Variants in COL28A1 observed in about 807,000 individuals in gnomAD.
COL28A1 encodes the protein collagen type XXVIII alpha 1 chain.
In COL28A1, 161 loss-of-function variants were observed where a neutral mutation model predicts 150.2. The observed-to-expected ratio is 1.07, with a 90% CI of 0.94 to 1.22. The LOEUF is 1.22. Ranked by LOEUF, COL28A1 falls within the 50% of genes most tolerant of loss-of-function variation. The pLI is 0.00. For synonymous variants in COL28A1, 552 were observed against 469.7 expected, an observed-to-expected ratio of 1.18 and a Z score of -2.26; for missense variants, 1,617 against 1,388.3, an observed-to-expected ratio of 1.16 and a Z score of -2.62.
chr7:7,529,061 G>A (rs1266197534), intron 3 of COL28A1, among the ~76,000 whole-genome samples: 1 of 151,966 alleles, frequency 6.6e-6, no homozygotes, highest in African/African-American at 2.4e-5. Flanking sequence ...CAACACTTTG[G>A]GAGGCCGAGG....
At chr7:7,351,710 C>T (rs572725445), downstream of COL28A1, among the ~76,000 whole-genome samples, 1 of 152,020 alleles carries the variant, frequency 6.6e-6, no homozygotes, top group South Asian at 2.1e-4. Flanking sequence ...GACATTAAAT[C>T]AGTCCAATAT....
rs1018899344 is a variant in COL28A1 at position 7,380,694 on chromosome 7, C to A, written c.2288G>T (p.Gly763Val). 6.2e-7 allele frequency: 1 copy of A among 1,613,672 alleles called. No individual in the cohort carries two copies. The highest frequency in any genetic ancestry group is 8.5e-7 in the Non-Finnish European group (1 of 1,179,646). Residue 763 changes from glycine (G) to valine (V), a missense_variant and splice_region_variant, in exon 30 of 35, where the codon GGT (glycine) becomes GTT (valine). Transcript: ENST00000399429. ...IGEPGSPGKQ[G>V]LQGPKGDLGL... ...TAGGTCTCCTTTGGGTCCTTGTAAA[C>A]CCTACTTAGTGGAAGAAGAGTAAAA...
chr7:7,424,245 A>G (rs1562606262), intron 25 of COL28A1, among the ~76,000 whole-genome samples: 1 of 152,174 alleles, frequency 6.6e-6, no homozygotes, highest in Non-Finnish European at 1.5e-5. Context: ...TAGGCATTTA[A>G]TGATCTGAGA....
At chr7:7,453,419 C>T (rs748626387) in intron 17 of COL28A1, 21 bp downstream of exon 17, 44 of 1,017,050 alleles carry the variant, frequency 4.3e-5, no homozygotes, top group South Asian at 2.4e-4. Context: ...TATTAAACTC[C>T]GCTCTCATTT....
chr7:7,451,231 CTT>C (rs111414835), intron 18 of COL28A1, among the ~76,000 whole-genome samples: 2 of 144,584 alleles, frequency 1.4e-5, no homozygotes, highest in Non-Finnish European at 3.1e-5. Flanking sequence ...TGAAATACTT[CTT>C]TTTTTTTTTT....
chr7:7,436,449 T>G lies in COL28A1; in HGVS notation c.1806A>C (p.Gly602=). 2 of 1,361,388 alleles carry G rather than the reference T, an allele frequency of 1.5e-6. No individual in the cohort carries two copies. The highest frequency in any genetic ancestry group is 2.1e-6 in the Non-Finnish European group (2 of 949,396). 84.3% of individuals were successfully genotyped at this position (1,361,388 alleles called of 1,614,324 possible). A position where few individuals can be genotyped will look rare whatever the true frequency, so the allele number is the denominator to read the frequency against. Residue 602 remains glycine, a synonymous_variant, in exon 23 of 35, where the codon GGA becomes GGC. Transcript: ENST00000399429. ...CTCCCTTAAATCCAGGTATCCCAGG[T>G]CCTCCTCTATCTCCCTGTACATTTC... ...GPPGPKGDRG[G]PGIPGFKGEP... is the part of the protein sequence containing the mutation.
At position 7,531,717 on chromosome 7, in the gene COL28A1, A is replaced by G; in HGVS notation, c.312T>C (p.Ile104=). The part of the protein sequence containing the change: ...AALQFSSSVQ[I]DPPFSSWKDL... ...CCTTCCAGGAAGAAAAAGGTGGATC[A>G]ATTTGGACAGAGCTGCTAAACTGAA... The change falls in exon 3 of 35, where the codon ATT becomes ATC. Residue 104 remains isoleucine, a synonymous_variant. Transcript: ENST00000399429. 1.2e-6 allele frequency: 2 copies of G among 1,605,404 alleles called. No homozygotes were observed. The highest frequency in any genetic ancestry group is 1.7e-6 in the Non-Finnish European group (2 of 1,172,006).
At chr7:7,397,011 C>T (rs1469638746) in intron 27 of COL28A1, among the ~76,000 whole-genome samples, 2 of 152,122 alleles carry the variant, frequency 1.3e-5, no homozygotes, top group Non-Finnish European at 2.9e-5. Flanking sequence ...CTGTGCTGGA[C>T]CAAGATGCTG....
chr7:7,356,315 A>C (rs753100038), downstream of COL28A1: 3 of 152,226 alleles, frequency 2.0e-5, no homozygotes, highest in East Asian at 1.9e-4. Context: ...GCACATTGAC[A>C]TGGTAAATAC....
the COL28A1 span, among the ~76,000 whole-genome samples, chr7:7,345,612 G>A: frequency 2.6e-5 from 4 of 151,822 alleles, no homozygotes; most frequent in Non-Finnish European, 5.9e-5. Flanking sequence ...CAGTTTCACT[G>A]GTATCAAATT....
At chr7:7,390,262 G>C (rs950400098) in intron 27 of COL28A1, among the ~76,000 whole-genome samples, 1 of 152,146 alleles carries the variant, frequency 6.6e-6, no homozygotes, top group African/African-American at 2.4e-5. Context: ...TGTGGTTTTT[G>C]TCATTGGTTC....
chr7:7,415,689 A>G (rs1303151703), intron 27 of COL28A1, among the ~76,000 whole-genome samples: 2 of 152,054 alleles, frequency 1.3e-5, no homozygotes, highest in African/African-American at 4.8e-5. Context: ...ACGCACCACC[A>G]TGCCTGGCTA....
intron 21 of COL28A1, among the ~76,000 whole-genome samples, chr7:7,439,064 TC>T (rs1388845326): frequency 6.6e-6 from 1 of 152,232 alleles, no homozygotes; most frequent in Non-Finnish European, 1.5e-5. Flanking sequence ...TGCTGACTAC[TC>T]CTGCCTCCGT....
chr7:7,385,246 C>G (rs965909889), intron 27 of COL28A1, among the ~76,000 whole-genome samples: 1 of 152,124 alleles, frequency 6.6e-6, no homozygotes, highest in Non-Finnish European at 1.5e-5. Context: ...CATTTTCATT[C>G]AATGAGGTAC....
chr7:7,419,468 G>A (rs1003637772), intron 26 of COL28A1, among the ~76,000 whole-genome samples: 2 of 152,158 alleles, frequency 1.3e-5, no homozygotes, highest in African/African-American at 4.8e-5. Context: ...ATCTTCTCCA[G>A]GGACAATCAG....
At chr7:7,495,742 T>A (rs147192563) in intron 11 of COL28A1, among the ~76,000 whole-genome samples, 63 of 152,260 alleles carry the variant, frequency 4.1e-4, no homozygotes, top group African/African-American at 1.5e-3. Flanking sequence ...TGATAATACC[T>A]CTTGTTCAGA....
intron 21 of COL28A1, 87 bp downstream of exon 21, chr7:7,440,703 C>G: frequency 1.7e-6 from 1 of 600,506 alleles, no homozygotes; most frequent in Non-Finnish European, 3.0e-6. Flanking sequence ...AACAAGGAAT[C>G]CAATTTTCAG....
intron 25 of COL28A1, among the ~76,000 whole-genome samples, chr7:7,422,844 C>T (rs893486430): frequency 1.3e-5 from 2 of 152,168 alleles, no homozygotes; most frequent in African/African-American, 2.4e-5. Flanking sequence ...GAGGGAGAAA[C>T]ACGTTACACA....
rs187718064 is a variant in COL28A1, at chr7:7,399,301, T to C, written c.2137-17689A>G. ...CCAAGAAGTCTTCCCTGATCCTCCC[T>C]GACCTCAGCCAAGAGTGACATCTTC... On this transcript the variant is annotated intron_variant, in intron 27 of 34. Transcript: ENST00000399429. 1.2e-4 allele frequency among the ~76,000 whole-genome samples: 19 copies of C among 152,314 alleles called. No individual in the cohort carries two copies. In the East Asian group the frequency reaches 2.7e-3, roughly 22 times the overall value.
Sources: gnomAD v4.1 joint callset for allele counts (sites outside exome capture counted in the v4.1 genomes callset) on GRCh38, gnomAD v4.1.1 for gene constraint, MANE v1.5 for transcripts, NCBI Gene and HGNC (gene_info 2026-07-23, HGNC 2026-07-21) for gene names.